The following KALRN variants were observed in gnomAD, a reference collection of about 807,000 sequenced individuals.
KALRN encodes kalirin.
KALRN carries 70 observed loss-of-function variants against 353.7 expected under a neutral mutation model. That is an observed-to-expected ratio of 0.20 (90% confidence interval 0.16 to 0.24). The LOEUF is 0.24. Ranked by LOEUF, KALRN falls within the 10% of genes least tolerant of loss-of-function variation. KALRN has a pLI of 1.00. For synonymous variants in KALRN, 1,391 were observed against 1,434.8 expected (o/e 0.97, Z 0.69); for missense variants, 2,791 against 3,756.7 (o/e 0.74, Z 6.72).
chr3:124,128,513 G>T (rs1203753717), intron 1 of KALRN, among the ~76,000 whole-genome samples: 1 of 152,140 alleles, frequency 6.6e-6, no homozygotes, highest in Admixed American at 6.5e-5. Flanking sequence ...GCAATTCAAA[G>T]GTGTTAGTTA....
intron 51 of KALRN, among the ~76,000 whole-genome samples, chr3:124,687,342 A>G (rs2150537672): frequency 6.6e-6 from 1 of 152,284 alleles, no homozygotes; most frequent in South Asian, 2.1e-4. Flanking sequence ...CCCCACCTCC[A>G]GTCCCTTCCT....
At chr3:124,433,402 C>A (rs2093350592) in intron 16 of KALRN, among the ~76,000 whole-genome samples, 1 of 151,572 alleles carries the variant, frequency 6.6e-6, no homozygotes, top group Non-Finnish European at 1.5e-5. Flanking sequence ...CCAGCCTGGG[C>A]AGACAGCAAG....
At chr3:124,359,207 G>T (rs2083748069) in intron 10 of KALRN, among the ~76,000 whole-genome samples, 2 of 152,108 alleles carry the variant, frequency 1.3e-5, no homozygotes, top group Non-Finnish European at 2.9e-5. Context: ...GCCCTTCTCT[G>T]CCTGTCCTCT....
At chr3:124,706,793 CTCTT>C (rs2150736591) in intron 57 of KALRN, among the ~76,000 whole-genome samples, 1 of 151,648 alleles carries the variant, frequency 6.6e-6, no homozygotes, top group South Asian at 2.1e-4. Flanking sequence ...TGATCTCAAA[CTCTT>C]GACCTCAGGT....
chr3:124,574,150 T>C (rs2073849536), intron 34 of KALRN, among the ~76,000 whole-genome samples: 1 of 152,298 alleles, frequency 6.6e-6, no homozygotes, highest in South Asian at 2.1e-4. Flanking sequence ...TGTGGCTACA[T>C]CCATCTAATA....
chr3:124,382,266 CTG>C (rs2087508004), intron 10 of KALRN, among the ~76,000 whole-genome samples: 1 of 152,246 alleles, frequency 6.6e-6, no homozygotes, highest in South Asian at 2.1e-4. Flanking sequence ...TACTATTATT[CTG>C]TTTTTACTCC....
chr3:124,694,209 C>A, intron 52 of KALRN, 123 bp from the exon 53 acceptor site: 2 of 931,850 alleles, frequency 2.1e-6, no homozygotes, highest in Non-Finnish European at 1.7e-6. Flanking sequence ...CAGTGTTATA[C>A]TGAAGGTTAT....
chr3:124,128,773 C>T (rs931454801), intron 1 of KALRN, among the ~76,000 whole-genome samples: 5 of 152,028 alleles, frequency 3.3e-5, no homozygotes, highest in East Asian at 1.9e-4. Context: ...GGTATGGTGC[C>T]GAGGTCTTCC....
chr3:124,378,373 T>C (rs935699128), intron 10 of KALRN, among the ~76,000 whole-genome samples: 1 of 152,246 alleles, frequency 6.6e-6, no homozygotes, highest in African/African-American at 2.4e-5. Flanking sequence ...TACTTATATA[T>C]GTACCATAAA....
intron 1 of KALRN, among the ~76,000 whole-genome samples, chr3:124,165,906 A>G (rs79646736): frequency 0.022 from 3,310 of 151,592 alleles, 111 homozygotes; most frequent in African/African-American, 0.076. Flanking sequence ...TCTTCCTACC[A>G]CTTCCTGCTT....
chr3:124,504,043 G>A (rs1055698447), intron 33 of KALRN, among the ~76,000 whole-genome samples: 2 of 152,158 alleles, frequency 1.3e-5, no homozygotes, highest in Non-Finnish European at 2.9e-5. Context: ...GCAGCTTGCA[G>A]GAAACCTCGG....
chr3:124,062,475 C>T (rs1410177183), intron 1 of KALRN, among the ~76,000 whole-genome samples: 1 of 152,174 alleles, frequency 6.6e-6, no homozygotes, highest in African/African-American at 2.4e-5. Context: ...TGCATCAGAC[C>T]CACTCGGGGA....
chr3:124,293,876 A>G (rs1434312175), intron 5 of KALRN, among the ~76,000 whole-genome samples: 1 of 152,208 alleles, frequency 6.6e-6, no homozygotes, highest in Non-Finnish European at 1.5e-5. Context: ...GAGCTTAGAA[A>G]GAGTCCACTT....
At chr3:124,508,921 C>A (rs2065549761) in intron 33 of KALRN, among the ~76,000 whole-genome samples, 1 of 152,162 alleles carries the variant, frequency 6.6e-6, no homozygotes, top group Non-Finnish European at 1.5e-5. Flanking sequence ...AGTTGAACAT[C>A]TTTTCCTGTT....
At chr3:124,114,588 G>A (rs1404696271) in intron 1 of KALRN, among the ~76,000 whole-genome samples, 1 of 152,182 alleles carries the variant, frequency 6.6e-6, no homozygotes, top group Admixed American at 6.5e-5. Context: ...CTCTGGATCC[G>A]ACACTGGTGT....
rs2087990747 is a variant in KALRN, at chr3:124,384,998, C to T, written c.1924C>T (p.Leu642=). 2 of 1,611,910 alleles carry T rather than the reference C, an allele frequency of 1.2e-6. No homozygotes were observed. Among genetic ancestry groups the T allele is most frequent in the East Asian group, 2.2e-5 (1 of 44,856 alleles). Residue 642 remains leucine, a synonymous_variant, in exon 11 of 60, where the codon CTG becomes TTG. Transcript: ENST00000682506. ...CAGGGTGGAGCAGCGGAAGCTTCTC[C>T]TGGACATGTCTGTTTCCTTCCACAC... ...VRRVEQRKLL[L]DMSVSFHTHT...
intron 9 of KALRN, among the ~76,000 whole-genome samples, chr3:124,341,739 G>A (rs77071491): frequency 0.016 from 2,401 of 152,282 alleles, 32 homozygotes; most frequent in Middle Eastern, 0.027. Flanking sequence ...AGTACAAAGA[G>A]GTTGGAGTCT....
chr3:124,609,537 A>G (rs1359501950), intron 34 of KALRN, among the ~76,000 whole-genome samples: 1 of 152,212 alleles, frequency 6.6e-6, no homozygotes, highest in Non-Finnish European at 1.5e-5. Context: ...AGGTTATAAA[A>G]GTGGGTAAAG....
chr3:124,225,240 C>T (rs746594275), intron 1 of KALRN, among the ~76,000 whole-genome samples: 8 of 152,214 alleles, frequency 5.3e-5, no homozygotes, highest in Non-Finnish European at 1.0e-4. Context: ...CTTGGCTTTA[C>T]ATAATACATA....
Sources: allele counts gnomAD v4.1 joint callset (sites outside exome capture counted in the v4.1 genomes callset), GRCh38; gene constraint gnomAD v4.1.1; transcripts MANE v1.5; gene names NCBI Gene and HGNC (gene_info 2026-07-23, HGNC 2026-07-21).